Variants in TIMMDC1 observed in about 807,000 individuals in gnomAD.
TIMMDC1 encodes translocase of inner mitochondrial membrane domain containing 1.
A neutral mutation model predicts 32.6 loss-of-function variants in TIMMDC1; 25 were observed. That is an observed-to-expected ratio of 0.77 (90% CI 0.56 to 1.07). The LOEUF is 1.07. TIMMDC1 is among the 50% of genes least tolerant of loss of function. TIMMDC1 has a pLI of 0.00. For synonymous variants in TIMMDC1, 130 were observed against 127.6 expected, an observed-to-expected ratio of 1.02 and a Z score of -0.13; for missense variants, 329 against 349.2, an observed-to-expected ratio of 0.94 and a Z score of 0.46.
intron 4 of TIMMDC1, among the ~76,000 whole-genome samples, chr3:119,505,578 G>T (rs1035625513): frequency 1.3e-5 from 2 of 152,146 alleles, no homozygotes; most frequent in Non-Finnish European, 2.9e-5. Flanking sequence ...TGTTGGTCAG[G>T]CTGGTCTCGA....
intron 6 of TIMMDC1, among the ~76,000 whole-genome samples, chr3:119,522,582 T>C (rs2082034211): frequency 6.6e-6 from 1 of 152,202 alleles, no homozygotes; most frequent in African/African-American, 2.4e-5. Flanking sequence ...CCCAGCAGTA[T>C]GAAATGATAA....
At position 119,517,300 on chromosome 3, in the gene TIMMDC1, T is replaced by TA. The variant is rs1190009449; in HGVS notation, c.696dup (p.Leu233ThrfsTer12). On this transcript the variant is annotated frameshift_variant, in exon 6 of 7. Transcript: ENST00000494664. LOFTEE classifies it high-confidence loss of function. ...AAGGATCGAAAGGCACTCCATGAGC[T>TA]AAAACTGGAAGAGTGGTAAGGAACA... 1.9e-6 allele frequency: 3 copies of TA among 1,611,438 alleles called. No individual in the cohort carries two copies. The South Asian group carries it at 3.3e-5, about 18-fold the overall frequency.
chr3:119,508,619 AC>A (rs1279076832), intron 4 of TIMMDC1, among the ~76,000 whole-genome samples: 1 of 152,258 alleles, frequency 6.6e-6, no homozygotes, highest in African/African-American at 2.4e-5. Context: ...GGAAGTTTCA[AC>A]CATGCAAGCT....
chr3:119,502,938 A>T (rs1394063700), intron 2 of TIMMDC1, among the ~76,000 whole-genome samples: 1 of 152,176 alleles, frequency 6.6e-6, no homozygotes, highest in Non-Finnish European at 1.5e-5. Context: ...AAAGTCTATC[A>T]TTCTTTCTAC....
chr3:119,513,444 T>A (rs1192453571), intron 4 of TIMMDC1, among the ~76,000 whole-genome samples, 197 bp from the exon 5 acceptor site: 1 of 152,224 alleles, frequency 6.6e-6, no homozygotes, highest in Admixed American at 6.5e-5. Context: ...AAGGGATGTG[T>A]CTTCCTTTGA....
intron 6 of TIMMDC1, among the ~76,000 whole-genome samples, chr3:119,521,859 G>T (rs2082028879): frequency 6.6e-6 from 1 of 152,116 alleles, no homozygotes; most frequent in Non-Finnish European, 1.5e-5. Context: ...TGGGAAATTG[G>T]AGTGATATTT....
rs2081990191 is a variant in TIMMDC1 at position 119,517,236 on chromosome 3, C to G, written c.628C>G (p.Gln210Glu). 6.2e-7 allele frequency: 1 copy of G among 1,613,530 alleles called. No homozygotes were observed. The highest frequency in any genetic ancestry group is 1.7e-5 in the Admixed American group (1 of 59,982). ...TGTAGGAGGCCTGCTGATGGCATTT[C>G]AGAAGTACTCTGGTGAGACTGTTCA... ...TPVGGLLMAF[Q>E]KYSGETVQER... Residue 210 changes from glutamine to glutamate, a missense_variant, in exon 6 of 7, where the codon CAG (glutamine) becomes GAG (glutamate). Physicochemically the swap from Gln to Glu is conservative, Grantham distance 29 (BLOSUM62 2). Coordinates refer to ENST00000494664, the MANE Select transcript of TIMMDC1 (RefSeq NM_016589.4).
chr3:119,514,057 C>T (rs537522111), intron 5 of TIMMDC1, among the ~76,000 whole-genome samples: 27 of 152,114 alleles, frequency 1.8e-4, no homozygotes, highest in Non-Finnish European at 3.1e-4. Context: ...ATAGTTCGAA[C>T]ACAGGTATTT....
chr3:119,514,496 T>C lies in TIMMDC1; in HGVS notation c.596+777T>C, dbSNP rs544019101. ...ACACAACTATCTAAGTTAGGGTCTATATTAAAAACTCCTCAGTTATCATAC... is the reference window on the plus strand; with the variant it reads ...ACACAACTATCTAAGTTAGGGTCTACATTAAAAACTCCTCAGTTATCATAC... On this transcript the variant is annotated intron_variant, in intron 5 of 6. Coordinates refer to ENST00000494664, the MANE Select transcript of TIMMDC1 (RefSeq NM_016589.4). Among the ~76,000 whole-genome samples, 6 of 152,322 alleles carry C rather than the reference T, an allele frequency of 3.9e-5. No homozygotes were observed. In the South Asian group the frequency reaches 1.2e-3, roughly 32 times the overall value.
chr3:119,506,445 G>A (rs2081919247), intron 4 of TIMMDC1, among the ~76,000 whole-genome samples: 1 of 151,974 alleles, frequency 6.6e-6, no homozygotes, highest in South Asian at 2.1e-4. Flanking sequence ...CATGAGCCCA[G>A]GAGGTCGAGG....
At chr3:119,512,771 C>T (rs2081962648) in intron 4 of TIMMDC1, among the ~76,000 whole-genome samples, 1 of 152,162 alleles carries the variant, frequency 6.6e-6, no homozygotes, top group Admixed American at 6.5e-5. Flanking sequence ...GAGACAGTCT[C>T]ATTCTTCCGC....
At chr3:119,514,559 C>G (rs1365648639) in intron 5 of TIMMDC1, among the ~76,000 whole-genome samples, 1 of 152,172 alleles carries the variant, frequency 6.6e-6, no homozygotes, top group East Asian at 1.9e-4. Context: ...TTGATCATCC[C>G]ATCATGATTA....
At position 119,503,600 on chromosome 3, in the gene TIMMDC1, A is replaced by G. The variant is rs756320402; in HGVS notation, c.429A>G (p.Ala143=). ...GCTGGCGCTGGGGTTGGAGAACTGC[A>G]GTGTTTGTGACTATATTCAAGTAAG... ...RYGWRWGWRT[A]VFVTIFNTVN... The change falls in exon 3 of 7, where the codon GCA becomes GCG. Residue 143 remains alanine (A), a synonymous_variant. Transcript: ENST00000494664. 48 of 1,611,152 alleles carry G rather than the reference A, an allele frequency of 3.0e-5. No individual in the cohort carries two copies. The highest frequency in any genetic ancestry group is 4.0e-5 in the Non-Finnish European group (47 of 1,178,924).
intron 4 of TIMMDC1, 102 bp downstream of exon 4, chr3:119,504,123 C>A: frequency 2.4e-6 from 2 of 825,114 alleles, no homozygotes; most frequent in South Asian, 1.6e-5. Flanking sequence ...GTTGGCTTCC[C>A]ATTACATCTC....
chr3:119,499,676 A>T (rs188274825), intron 1 of TIMMDC1, among the ~76,000 whole-genome samples: 2 of 152,018 alleles, frequency 1.3e-5, no homozygotes, highest in African/African-American at 4.8e-5. Flanking sequence ...TCCGCCTCCC[A>T]AAGTGCTGGG....
chr3:119,498,651 G>C lies in TIMMDC1; in HGVS notation c.-83G>C. 7.2e-7 allele frequency: 1 copy of C among 1,384,146 alleles called. No individual in the cohort carries two copies. 85.7% of individuals were successfully genotyped at this position (1,384,146 alleles called of 1,614,324 possible). On this transcript the variant is annotated 5_prime_UTR_variant, in exon 1 of 7. Coordinates refer to ENST00000494664, the MANE Select transcript of TIMMDC1 (RefSeq NM_016589.4). ...GGTCAAATGCACGGATTCTCACCTC[G>C]TACAGTTACGCTCTCCCGCGGCACG... is the stretch of plus-strand genomic sequence containing the variant.
chr3:119,517,067 C>T, intron 5 of TIMMDC1, 138 bp from the exon 6 acceptor site: 1 of 495,256 alleles, frequency 2.0e-6, no homozygotes, highest in East Asian at 3.1e-5. Flanking sequence ...TTGACAAGGA[C>T]ACTTTAATTC....
intron 6 of TIMMDC1, among the ~76,000 whole-genome samples, chr3:119,518,876 G>A (rs2082004265): frequency 6.9e-6 from 1 of 145,788 alleles, no homozygotes; most frequent in African/African-American, 2.5e-5. Flanking sequence ...GTGCTAAAAG[G>A]AAAAAACAAA....
intron 4 of TIMMDC1, among the ~76,000 whole-genome samples, chr3:119,513,420 A>G (rs937806151): frequency 1.3e-5 from 2 of 152,140 alleles, no homozygotes; most frequent in Admixed American, 6.5e-5. Flanking sequence ...CATATTGAAG[A>G]TTTACTTTTG....
Sources: allele counts gnomAD v4.1 joint callset (sites outside exome capture counted in the v4.1 genomes callset), GRCh38; gene constraint gnomAD v4.1.1; transcripts MANE v1.5; gene names NCBI Gene and HGNC (gene_info 2026-07-23, HGNC 2026-07-21).